MICA: variants seen among roughly 807,000 people sequenced by gnomAD.
The protein encoded by MICA is MHC class I polypeptide-related sequence A, also known as HLA class I antigen.
MICA carries 18 observed loss-of-function variants against 34.3 expected under a neutral mutation model. The observed-to-expected ratio is 0.52, with a 90% CI of 0.36 to 0.78. The LOEUF is 0.78. MICA is among the 30% of genes least tolerant of loss of function. MICA has a pLI of 0.00. For missense variants in MICA, 333 were observed against 409.4 expected (o/e 0.81, Z 1.61); for synonymous variants, 135 against 156.9 (o/e 0.86, Z 1.04).
Position 31,415,100 on chromosome 6 carries a change from G to T in MICA, c.*118G>T, listed in dbSNP as rs781231459. ...CACAGCTCGGATTTCAGCCTCTGAT[G>T]TCAGCTCTTGGGTCCACTGGCTCCA... On this transcript the variant is annotated 3_prime_UTR_variant, in exon 6 of 6. Coordinates refer to ENST00000449934, the MANE Select transcript of MICA (RefSeq NM_001177519.3). The T allele has an allele frequency of 3.2e-6, 4 of 1,267,110 alleles. 1 individual carries two copies. The South Asian group carries it at 4.8e-5, about 15-fold the overall frequency. 78.5% of individuals were successfully genotyped at this position (1,267,110 alleles called of 1,614,324 possible). A position where few individuals can be genotyped will look rare whatever the true frequency, so the allele number is the denominator to read the frequency against.
chr6:31,414,250 C>CT (rs202204426), intron 5 of MICA, among the ~76,000 whole-genome samples: 5,026 of 151,978 alleles, frequency 0.033, 137 homozygotes, highest in Non-Finnish European at 0.048. Flanking sequence ...GGGCAGTGGC[C>CT]GGGTGGAATC....
Position 31,412,314 on chromosome 6 carries a change from C to CT in MICA, c.893-4dup, listed in dbSNP as rs9281429. 460,295 of 1,593,600 alleles carry CT rather than the reference C, an allele frequency of 0.29. 71,310 individuals are homozygous for CT. Among genetic ancestry groups the CT allele is most frequent in the African/African-American group, 0.45 (32,887 of 73,638 alleles). ...TCTCTGCCCAGTGTATAACAAGTCCCTTTTTTTCAGGGAAAGTGCTGGTGC... is the reference window on the plus strand; with the variant it reads ...TCTCTGCCCAGTGTATAACAAGTCCCTTTTTTTTCAGGGAAAGTGCTGGTGC... On this transcript the variant is annotated splice_polypyrimidine_tract_variant and intron_variant, in intron 4 of 5. Transcript: ENST00000449934.
Position 31,415,233 on chromosome 6 carries a change from A to T in MICA, c.*251A>T. 1 of 606,288 alleles carries T rather than the reference A, an allele frequency of 1.6e-6. No individual in the cohort carries two copies. The highest frequency in any genetic ancestry group is 3.0e-6 in the Non-Finnish European group (1 of 335,138). The allele number at this position is 606,288 out of a possible 1,614,324, so 37.6% of individuals were successfully genotyped here. On this transcript the variant is annotated 3_prime_UTR_variant, in exon 6 of 6. Coordinates refer to ENST00000449934, the MANE Select transcript of MICA (RefSeq NM_001177519.3). ...CTCAGTTTCCTGACCTATGAAACAGAGAAAATAAAAGCACTTATTTATTGT... is the reference window on the plus strand; with the variant it reads ...CTCAGTTTCCTGACCTATGAAACAGTGAAAATAAAAGCACTTATTTATTGT...
At chr6:31,407,807 A>T (rs1041642631) in intron 1 of MICA, among the ~76,000 whole-genome samples, 2 of 151,644 alleles carry the variant, frequency 1.3e-5, no homozygotes, top group African/African-American at 4.9e-5. Flanking sequence ...GGATAATTTG[A>T]CTTCTTCTTT....
At chr6:31,409,951 AC>A (rs1770988444) in intron 1 of MICA, among the ~76,000 whole-genome samples, 1 of 131,722 alleles carries the variant, frequency 7.6e-6, no homozygotes, top group Admixed American at 8.5e-5. Flanking sequence ...CTACTCTTCC[AC>A]TTTGAACCCA....
At chr6:31,407,467 C>A (rs1770812640) in intron 1 of MICA, among the ~76,000 whole-genome samples, 1 of 151,870 alleles carries the variant, frequency 6.6e-6, no homozygotes. Context: ...AACTCCTGAC[C>A]TCAGGTGATC....
At chr6:31,410,109 C>T (rs1281259664) in intron 1 of MICA, among the ~76,000 whole-genome samples, 2 of 132,326 alleles carry the variant, frequency 1.5e-5, no homozygotes, top group African/African-American at 6.3e-5. Flanking sequence ...CGAGGCAGCT[C>T]CCCTTGCCTC....
At chr6:31,401,854 T>G (rs981100571), upstream of MICA, among the ~76,000 whole-genome samples, 1 of 151,868 alleles carries the variant, frequency 6.6e-6, no homozygotes, top group Non-Finnish European at 1.5e-5. Context: ...CCTGGGAACA[T>G]GGATATTAAA....
Position 31,412,222 on chromosome 6 carries a change from T to C in MICA, c.889T>C (p.Ser297Pro). The C allele has an allele frequency of 6.2e-7, 1 of 1,608,722 alleles. No individual in the cohort carries two copies. The highest frequency in any genetic ancestry group is 8.5e-7 in the Non-Finnish European group (1 of 1,177,730). The change falls in exon 4 of 6, where the codon TCT (serine) becomes CCT (proline). Residue 297 changes from serine (S) to proline (P), a missense_variant. Physicochemically the swap from Ser to Pro is moderately conservative, Grantham distance 74. Coordinates refer to ENST00000449934, the MANE Select transcript of MICA (RefSeq NM_001177519.3). The stretch of plus-strand genomic sequence containing the variant: ...GAATCACAGCACTCACCCTGTGCCC[T>C]CTGGTGAGCCTAGGGTGACCCTGGA... ...SGNHSTHPVP[S>P]GKVLVLQSHW...
chr6:31,402,543 G>A (rs1770487932), upstream of MICA, among the ~76,000 whole-genome samples: 1 of 151,830 alleles, frequency 6.6e-6, no homozygotes, highest in Admixed American at 6.6e-5. Context: ...TTGTAACTGA[G>A]GCAGGCACCG....
rs765546742 is a variant in MICA at position 31,412,163 on chromosome 6, A to C, written c.830A>C (p.Glu277Ala). The C allele has an allele frequency of 9.9e-6, 16 of 1,612,470 alleles. 1 individual carries two copies. The East Asian group carries it at 3.6e-4, about 36-fold the overall frequency. Residue 277 changes from glutamate (E) to alanine (A), a missense_variant, in exon 4 of 6, where the codon GAG becomes GCG. Physicochemically the swap from Glu to Ala is moderately radical, Grantham distance 107. Coordinates refer to ENST00000449934, the MANE Select transcript of MICA (RefSeq NM_001177519.3). ...WVATRICRGE[E>A]QRFTCYMEHS... ...GCCACCAGGATTTGCCGAGGAGAGG[A>C]GCAGAGGTTCACCTGCTACATGGAA... is the stretch of plus-strand genomic sequence containing the variant.
Position 31,411,626 on chromosome 6 carries a change from C to A in MICA, c.613+267C>A, listed in dbSNP as rs3828880. On this transcript the variant is annotated intron_variant, in intron 3 of 5. Coordinates refer to ENST00000449934, the MANE Select transcript of MICA (RefSeq NM_001177519.3). This position sits in a 1 kb window ranked among gnomAD's most constrained non-coding sequence, Gnocchi z 4.3. ...GGTGGGTGTCAGGCAGGAGAGGAAGCCTTCAGGGCCAGGGCTGCCCCCTCT... is the reference window on the plus strand; with the variant it reads ...GGTGGGTGTCAGGCAGGAGAGGAAGACTTCAGGGCCAGGGCTGCCCCCTCT... Among the ~76,000 whole-genome samples the A allele has an allele frequency of 1.3e-5, 2 of 151,404 alleles. No individual in the cohort carries two copies. The highest frequency in any genetic ancestry group is 1.5e-5 in the Non-Finnish European group (1 of 67,916).
At chr6:31,410,245 T>C (rs9266806) in intron 1 of MICA, among the ~76,000 whole-genome samples, 31,918 of 151,544 alleles carry the variant, frequency 0.21, 3,935 homozygotes, top group East Asian at 0.5. Flanking sequence ...GCTCCTCCCT[T>C]GCCCCTGCAG....
chr6:31,413,616 T>A (rs1375544725), intron 5 of MICA, among the ~76,000 whole-genome samples: 2 of 151,778 alleles, frequency 1.3e-5, no homozygotes, highest in Non-Finnish European at 2.9e-5. Flanking sequence ...TCCTTGAACC[T>A]AATTGCACTG....
chr6:31,409,566 C>T (rs1408534696), intron 1 of MICA, among the ~76,000 whole-genome samples: 7 of 112,314 alleles, frequency 6.2e-5, no homozygotes, highest in African/African-American at 8.7e-5. Flanking sequence ...GGGTTGATTG[C>T]TTTTTCACTC....
At chr6:31,403,369 G>A (rs988171485), upstream of MICA, among the ~76,000 whole-genome samples, 1 of 151,908 alleles carries the variant, frequency 6.6e-6, no homozygotes, top group African/African-American at 2.4e-5. This position sits in a 1 kb window ranked among gnomAD's most constrained non-coding sequence, Gnocchi z 4.7. Flanking sequence ...ACTCGAAGCT[G>A]GTCCCTGCTT....
At chr6:31,410,417 G>C in intron 1 of MICA, 126 bp from the exon 2 acceptor site, 2 of 1,240,662 alleles carry the variant, frequency 1.6e-6, no homozygotes, top group South Asian at 3.1e-5. Flanking sequence ...TGAAATCCTC[G>C]TTCTTGTCCC....
chr6:31,412,563 C>T (rs2844514), intron 5 of MICA, 103 bp downstream of exon 5: 348,659 of 748,430 alleles, frequency 0.47, 88,486 homozygotes, highest in African/African-American at 0.69. Context: ...ACAAGGCTTC[C>T]ATAACAGGGG....
In MICA at chr6:31,411,123, G is replaced by C; in HGVS notation, c.377G>C (p.Ser126Thr). 6.2e-7 allele frequency: 1 copy of C among 1,610,110 alleles called. No individual in the cohort carries two copies. The highest frequency in any genetic ancestry group is 8.5e-7 in the Non-Finnish European group (1 of 1,178,726). ...IRVCEIHEDN[S>T]TRSSQHFYYD... Reference sequence around the variant, plus strand: ...GTCTGTGAGATCCATGAAGACAACAGCACCAGGAGCTCCCAGCATTTCTAC... The same window carrying C: ...GTCTGTGAGATCCATGAAGACAACACCACCAGGAGCTCCCAGCATTTCTAC... The change falls in exon 3 of 6, where the codon AGC becomes ACC. Residue 126 changes from serine (S) to threonine (T), a missense_variant. By Grantham distance (58) the Ser-to-Thr change is moderately conservative. Coordinates refer to ENST00000449934, the MANE Select transcript of MICA (RefSeq NM_001177519.3). The surrounding 1 kb of genome is among the most constrained non-coding windows in gnomAD (Gnocchi z 4.3).
Sources: allele counts gnomAD v4.1 joint callset (sites outside exome capture counted in the v4.1 genomes callset), GRCh38; gene constraint gnomAD v4.1.1; non-coding constraint Gnocchi (gnomAD v3.1); transcripts MANE v1.5; gene names NCBI Gene and HGNC (gene_info 2026-07-23, HGNC 2026-07-21).